The following TERT variants were observed in gnomAD, a reference collection of about 807,000 sequenced individuals.
TERT encodes the protein telomerase catalytic subunit.
Under a neutral mutation model 104.0 loss-of-function variants are expected in TERT, and 42 were observed. The ratio of observed to expected loss-of-function variants is 0.40; its 90% CI spans 0.32 to 0.52. The LOEUF (loss-of-function observed/expected upper bound fraction) is 0.52. Ranked by LOEUF, TERT falls within the 20% of genes least tolerant of loss-of-function variation. The pLI is 0.43. For missense variants in TERT, 1,101 were observed against 1,610.3 expected (o/e 0.68, Z 5.41); for synonymous variants, 781 against 725.6 (o/e 1.08, Z -1.23).
chr5:1,271,008 G>A, intron 8 of TERT, 111 bp downstream of exon 8: 1 of 856,852 alleles, frequency 1.2e-6, no homozygotes, highest in Admixed American at 2.1e-5. Flanking sequence ...AGGAGACTCT[G>A]GTGGCCCCGG....
In TERT at chr5:1,270,796, T is replaced by C. The variant is rs920667851; in HGVS notation, c.2468+323A>G. Among the ~76,000 whole-genome samples, 59 of 152,358 alleles carry C rather than the reference T, an allele frequency of 3.9e-4. No homozygotes were observed. Among genetic ancestry groups the C allele is most frequent in the Non-Finnish European group, 8.1e-4 (55 of 68,028 alleles). On this transcript the variant is annotated intron_variant, in intron 8 of 15. Coordinates refer to ENST00000310581, the MANE Select transcript of TERT (RefSeq NM_198253.3). This position sits in a 1 kb window ranked among gnomAD's most constrained non-coding sequence, Gnocchi z 8.3. ...CAGTAGTAACTTGGAGCTGACAAGC[T>C]GCAGGCTCAAACGCTCGGCGCACAC...
rs2126644284 is a variant in TERT, at chr5:1,280,215, C to T, written c.1893G>A (p.Arg631=). The change falls in exon 4 of 16, where the codon CGG becomes CGA. Residue 631 remains arginine (R), a synonymous_variant. Coordinates refer to ENST00000310581, the MANE Select transcript of TERT (RefSeq NM_198253.3). ...CGACGTAGTCCATGTTCACAATCGG[C>T]CGCAGCCCGTCAGGCTTGGGGATGA... ...LRFIPKPDGL[R]PIVNMDYVVG... is the part of the protein sequence containing the mutation. 6.2e-7 allele frequency: 1 copy of T among 1,614,032 alleles called. No individual in the cohort carries two copies. Among genetic ancestry groups the T allele is most frequent in the East Asian group, 2.2e-5 (1 of 44,890 alleles).
In TERT at chr5:1,261,542, T is replaced by C. The variant is rs1376996773; in HGVS notation, c.2844-942A>G. Among the ~76,000 whole-genome samples the C allele has an allele frequency of 6.6e-6, 1 of 152,188 alleles. No homozygotes were observed. The highest frequency in any genetic ancestry group is 2.4e-5 in the African/African-American group (1 of 41,444). On this transcript the variant is annotated intron_variant, in intron 11 of 15. Coordinates refer to ENST00000310581, the MANE Select transcript of TERT (RefSeq NM_198253.3). This position sits in a 1 kb window ranked among gnomAD's most constrained non-coding sequence, Gnocchi z 7.4. ...AAAGTCTTTCCAGCTTGCCTCAACC[T>C]GATGCTGGCTCTTGGCAAGCCCAGA...
Position 1,293,417 on chromosome 5 carries a change from T to C in TERT, c.1469A>G (p.Asn490Ser), listed in dbSNP as rs566842222. ...SRHNERRFLRNTKKFISLGKH... is the reference protein window; with the variant it reads ...SRHNERRFLRSTKKFISLGKH... ...CCCCAGGGAGATGAACTTCTTGGTG[T>C]TCCTGAGGAAGCGGCGTTCGTTGTG... Residue 490 changes from asparagine to serine, a missense_variant, in exon 2 of 16, where the codon AAC becomes AGC. This residue lies in a region of TERT where 504 missense variants were observed against 544.6 expected (regional missense o/e 0.93). Coordinates refer to ENST00000310581, the MANE Select transcript of TERT (RefSeq NM_198253.3). 1.2e-6 allele frequency: 2 copies of C among 1,613,108 alleles called. No individual in the cohort carries two copies. Among genetic ancestry groups the C allele is most frequent in the African/African-American group, 1.3e-5 (1 of 75,068 alleles).
At chr5:1,271,670 G>A (rs980604623) in intron 7 of TERT, among the ~76,000 whole-genome samples, 7 of 152,168 alleles carry the variant, frequency 4.6e-5, no homozygotes, top group African/African-American at 1.7e-4. Flanking sequence ...ACAGGGCCAC[G>A]TGGACAGACC....
chr5:1,267,385 G>A (rs1005124438), intron 9 of TERT, among the ~76,000 whole-genome samples: 1 of 152,202 alleles, frequency 6.6e-6, no homozygotes. Context: ...CACTGTTGGT[G>A]GGAGTGTAAA....
Position 1,266,483 on chromosome 5 carries a change from G to T in TERT, c.2635C>A (p.His879Asn). 1 of 1,609,980 alleles carries T rather than the reference G, an allele frequency of 6.2e-7. No homozygotes were observed. Among genetic ancestry groups the T allele is most frequent in the East Asian group, 2.2e-5 (1 of 44,840 alleles). ...CCTCACCTGAGGAAGGTTTTCGCGT[G>T]GGTGAGGTGAGGTGTCACCAACAAG... ...DFLLVTPHLTHAKTFLRTLVR... is the reference protein window; with the variant it reads ...DFLLVTPHLTNAKTFLRTLVR... Residue 879 changes from histidine (H) to asparagine (N), a missense_variant, in exon 10 of 16, where the codon CAC becomes AAC. His to Asn is a moderately conservative substitution (Grantham distance 68, BLOSUM62 1). Around this residue, in one of 5 missense-constraint regions of TERT, gnomAD observed 463 missense variants for 797.5 expected, o/e 0.58. Coordinates refer to ENST00000310581, the MANE Select transcript of TERT (RefSeq NM_198253.3).
intron 2 of TERT, among the ~76,000 whole-genome samples, chr5:1,291,566 C>G (rs866196609): frequency 1.6e-5 from 2 of 127,532 alleles, no homozygotes; most frequent in African/African-American, 2.9e-5. Context: ...GGGACCGCGC[C>G]TCACTCACCC....
intron 15 of TERT, 109 bp from the exon 16 acceptor site, chr5:1,253,940 C>G: frequency 8.0e-7 from 1 of 1,250,966 alleles, no homozygotes; most frequent in Non-Finnish European, 1.1e-6. Context: ...CCTCGTGGCC[C>G]TGGCTGGTGG....
At chr5:1,282,103 A>G (rs566450006) in intron 3 of TERT, among the ~76,000 whole-genome samples, 4 of 152,188 alleles carry the variant, frequency 2.6e-5, no homozygotes, top group South Asian at 2.1e-4. Flanking sequence ...AGAAAAAAAA[A>G]AGAGAGAGAG....
chr5:1,260,431 C>T (rs551883855), intron 12 of TERT, 43 bp downstream of exon 12: 9 of 1,612,848 alleles, frequency 5.6e-6, no homozygotes, highest in African/African-American at 4.0e-5. Context: ...TGCGCACACA[C>T]CTCCTGAACT....
intron 6 of TERT, among the ~76,000 whole-genome samples, chr5:1,277,229 T>C (rs1255036890): frequency 6.6e-6 from 1 of 152,092 alleles, no homozygotes; most frequent in Non-Finnish European, 1.5e-5. Context: ...GTCACCCCCC[T>C]GGAAACTCCC....
Position 1,279,849 on chromosome 5 carries a change from G to A in TERT, c.1950+309C>T, listed in dbSNP as rs10054203. Among the ~76,000 whole-genome samples, 3 of 152,000 alleles carry A rather than the reference G, an allele frequency of 2.0e-5. No individual in the cohort carries two copies. In the East Asian group the frequency reaches 5.8e-4, roughly 29 times the overall value. ...GCCCCGTAAGCGGAAGCGCACGGAG[G>A]CTGCGCACCACAGCAGGACACGGAT... On this transcript the variant is annotated intron_variant, in intron 4 of 15. Transcript: ENST00000310581.
At chr5:1,285,559 A>C (rs1236366739) in intron 2 of TERT, among the ~76,000 whole-genome samples, 1 of 126,738 alleles carries the variant, frequency 7.9e-6, no homozygotes, top group African/African-American at 2.8e-5. Flanking sequence ...TAATGTGGCT[A>C]CTAGAATTTT....
chr5:1,271,316 G>A (rs1216538618), intron 7 of TERT, 112 bp from the exon 8 acceptor site: 3 of 781,086 alleles, frequency 3.8e-6, no homozygotes, highest in Non-Finnish European at 6.7e-6. Flanking sequence ...GTGATGAAGT[G>A]CGGGGCTGGG....
At chr5:1,260,343 T>G (rs1400066849) in intron 12 of TERT, 131 bp downstream of exon 12, 4 of 1,423,206 alleles carry the variant, frequency 2.8e-6, no homozygotes, top group Non-Finnish European at 3.9e-6. Flanking sequence ...CACGTGTATA[T>G]GCGTACATGT....
In TERT at chr5:1,293,589, C is replaced by T. The variant is rs1462820895; in HGVS notation, c.1297G>A (p.Gly433Ser). ...TCCTCCTCGGGGGCCGCCACAGAGC[C>T]CTGGGGCTTCTCCCGGGCACAGACA... The part of the protein sequence containing the change: ...AGVCAREKPQ[G>S]SVAAPEEEDT... The change falls in exon 2 of 16, where the codon GGC (glycine) becomes AGC (serine). Residue 433 changes from glycine (G) to serine (S), a missense_variant. Transcript: ENST00000310581. 1.9e-6 allele frequency: 3 copies of T among 1,547,684 alleles called. No homozygotes were observed. Among genetic ancestry groups the T allele is most frequent in the African/African-American group, 1.4e-5 (1 of 73,082 alleles).
Position 1,294,336 on chromosome 5 carries a change from C to T in TERT, c.550G>A (p.Ala184Thr), listed in dbSNP as rs773758089. 2.3e-5 allele frequency: 37 copies of T among 1,579,428 alleles called. No individual in the cohort carries two copies. The highest frequency in any genetic ancestry group is 3.1e-5 in the Non-Finnish European group (36 of 1,169,998). Residue 184 changes from alanine to threonine, a missense_variant, in exon 2 of 16, where the codon GCC (alanine) becomes ACC (threonine). This residue lies in a region of TERT where 504 missense variants were observed against 544.6 expected (regional missense o/e 0.93). Coordinates refer to ENST00000310581, the MANE Select transcript of TERT (RefSeq NM_198253.3). ...PLYQLGAATQ[A>T]RPPPHASGPR... ...CCACTAGCGTGTGGCGGGGGCCGGG[C>T]CTGAGTGGCAGCGCCGAGCTGGTAC...
chr5:1,272,283 G>GGCTCTTGAAGGCCTTGCGGACGTGC lies in TERT; in HGVS notation c.2287-4_2287-3insGCACGTCCGCAAGGCCTTCAAGAGC. On this transcript the variant is annotated splice_polypyrimidine_tract_variant and splice_region_variant and intron_variant, in intron 6 of 15. Coordinates refer to ENST00000310581, the MANE Select transcript of TERT (RefSeq NM_198253.3). ...TGGAGGTCTGTCAAGGTAGAGACCT[G>GGCTCTTGAAGGCCTTGCGGACGTGC]CCGGCAGAGGAGAGGGCATGAGCCA... The GGCTCTTGAAGGCCTTGCGGACGTGC allele has an allele frequency of 6.2e-7, 1 of 1,609,256 alleles. No homozygotes were observed. Among genetic ancestry groups the GGCTCTTGAAGGCCTTGCGGACGTGC allele is most frequent in the South Asian group, 1.1e-5 (1 of 90,290 alleles).
Sources: allele counts gnomAD v4.1 joint callset (sites outside exome capture counted in the v4.1 genomes callset), GRCh38; gene constraint gnomAD v4.1.1; regional missense constraint gnomAD v4.1.1; non-coding constraint Gnocchi (gnomAD v3.1); transcripts MANE v1.5; gene names NCBI Gene and HGNC (gene_info 2026-07-23, HGNC 2026-07-21).